SGCD: variants seen among roughly 807,000 people sequenced by gnomAD.
The protein encoded by SGCD is sarcoglycan delta.
A neutral mutation model predicts 36.6 loss-of-function variants in SGCD; 18 were observed. The observed-to-expected ratio is 0.49, with a 90% CI of 0.34 to 0.73. SGCD has a LOEUF of 0.73. SGCD is among the 30% of genes least tolerant of loss of function. SGCD has a pLI of 0.01. For synonymous variants in SGCD, 133 were observed against 130.6 expected, an observed-to-expected ratio of 1.02 and a Z score of -0.12; for missense variants, 387 against 346.7, an observed-to-expected ratio of 1.12 and a Z score of -0.92.
Position 156,546,305 on chromosome 5 carries a change from T to G in SGCD, c.294+37603T>G, listed in dbSNP as rs576296665. 2.0e-5 allele frequency among the ~76,000 whole-genome samples: 3 copies of G among 152,314 alleles called. No individual in the cohort carries two copies. The South Asian group carries it at 6.2e-4, about 32-fold the overall frequency. Reference sequence around the variant, plus strand: ...TGTTGGATGTTATATCTACAAATGTTGGGGGTCACTTTCTTTCTTCTACTC... The same window carrying G: ...TGTTGGATGTTATATCTACAAATGTGGGGGGTCACTTTCTTTCTTCTACTC... On this transcript the variant is annotated intron_variant, in intron 4 of 8. Coordinates refer to ENST00000337851, the MANE Select transcript of SGCD (RefSeq NM_000337.6).
chr5:156,486,325 T>TGAGACAAAG (rs1755657248), intron 3 of SGCD, among the ~76,000 whole-genome samples: 1 of 152,042 alleles, frequency 6.6e-6, no homozygotes, highest in Admixed American at 6.5e-5. Context: ...AGGCTGCCCC[T>TGAGACAAAG]GAGACAAAGG....
At chr5:156,526,364 G>A (rs1050387177) in intron 4 of SGCD, among the ~76,000 whole-genome samples, 3 of 152,154 alleles carry the variant, frequency 2.0e-5, no homozygotes, top group Non-Finnish European at 4.4e-5. Flanking sequence ...TCTCTGGTTA[G>A]TTTAGAAACA....
chr5:156,514,870 A>G (rs1410166730), intron 4 of SGCD, among the ~76,000 whole-genome samples: 5 of 152,206 alleles, frequency 3.3e-5, no homozygotes, highest in African/African-American at 9.7e-5. Context: ...TAAGTAAGAT[A>G]ATGTTTTTTA....
chr5:155,988,360 A>AT (rs1037403230), intron 1 of SGCD, among the ~76,000 whole-genome samples: 1 of 152,086 alleles, frequency 6.6e-6, no homozygotes, highest in Non-Finnish European at 1.5e-5. Context: ...GACCCCATAG[A>AT]TATCTTTCTG....
At chr5:155,800,141 G>T in the SGCD span, among the ~76,000 whole-genome samples, 1 of 151,742 alleles carries the variant, frequency 6.6e-6, no homozygotes, top group Non-Finnish European at 1.5e-5. Flanking sequence ...TGTTTTTCTG[G>T]GATAGTTTAA....
chr5:156,549,098 G>GA (rs372757735), intron 4 of SGCD, among the ~76,000 whole-genome samples: 26 of 144,474 alleles, frequency 1.8e-4, no homozygotes, highest in African/African-American at 5.3e-4. Flanking sequence ...GTCTAAAAAT[G>GA]AAAAAAAAAT....
At chr5:155,858,273 C>T in the SGCD span, among the ~76,000 whole-genome samples, 1 of 151,906 alleles carries the variant, frequency 6.6e-6, no homozygotes, top group African/African-American at 2.4e-5. Flanking sequence ...TTTTGATATC[C>T]ATCTCTACAA....
the SGCD span, among the ~76,000 whole-genome samples, chr5:155,739,529 T>G: frequency 2.1e-4 from 32 of 152,348 alleles, no homozygotes; most frequent in East Asian, 5.8e-3. Flanking sequence ...TGTAGAAGGC[T>G]TAAAGAAAGC....
chr5:156,340,917 T>C (rs551129352), intron 2 of SGCD, among the ~76,000 whole-genome samples: 29 of 152,338 alleles, frequency 1.9e-4, no homozygotes, highest in African/African-American at 7.0e-4. Context: ...GCAGGATTCT[T>C]TATAACAGAT....
chr5:156,509,670 G>T (rs555839829), intron 4 of SGCD, among the ~76,000 whole-genome samples: 1 of 152,262 alleles, frequency 6.6e-6, no homozygotes, highest in East Asian at 1.9e-4. Flanking sequence ...AAGATTTCAA[G>T]CCTTCTCTGT....
Position 155,891,558 on chromosome 5 carries a change from CTTT to C in SGCD, c.-282+21151_-282+21153del, listed in dbSNP as rs372399423. 7.9e-4 allele frequency among the ~76,000 whole-genome samples: 48 copies of C among 60,774 alleles called. 3 individuals carry two copies. Among genetic ancestry groups the C allele is most frequent in the Middle Eastern group, 0.026 (2 of 76 alleles). The allele number at this position is 60,774 out of a possible 152,430, so 39.9% of individuals were successfully genotyped here. On this transcript the variant is annotated intron_variant, in intron 1 of 9. Coordinates refer to the SGCD transcript ENST00000517913. The stretch of plus-strand genomic sequence containing the variant: ...CAAATTCCAGAGAAAAATAAATACT[CTTT>C]TTTTTTTTTTTTTTTTGGTGACATT...
intron 1 of SGCD, among the ~76,000 whole-genome samples, chr5:156,044,490 T>G (rs1192373666): frequency 1.3e-5 from 2 of 152,186 alleles, no homozygotes; most frequent in Non-Finnish European, 2.9e-5. Flanking sequence ...ATGAATGGAA[T>G]CTTGCCAATA....
In SGCD at chr5:155,910,136, A is replaced by G. The variant is rs189227138; in HGVS notation, c.-282+39712A>G. 1.9e-3 allele frequency among the ~76,000 whole-genome samples: 286 copies of G among 152,094 alleles called. 3 individuals carry two copies. Among genetic ancestry groups the G allele is most frequent in the African/African-American group, 6.6e-3 (274 of 41,516 alleles). On this transcript the variant is annotated intron_variant, in intron 1 of 9. Coordinates refer to the SGCD transcript ENST00000517913. ...GGTGCATAGTTGGGTGAGGATGGGA[A>G]ATGTGTGTAGGTGGCCTAGATCTGC...
chr5:155,836,976 G>A, the SGCD span, among the ~76,000 whole-genome samples: 1 of 152,100 alleles, frequency 6.6e-6, no homozygotes, highest in Non-Finnish European at 1.5e-5. Flanking sequence ...AATCATCCAT[G>A]TCCACAAATG....
At chr5:156,616,407 T>C (rs1370852743) in intron 6 of SGCD, among the ~76,000 whole-genome samples, 1 of 152,180 alleles carries the variant, frequency 6.6e-6, no homozygotes, top group Non-Finnish European at 1.5e-5. Flanking sequence ...TGGGGTGTTG[T>C]TATCAGGAGA....
chr5:155,998,283 A>G (rs1261984028), intron 1 of SGCD, among the ~76,000 whole-genome samples: 1 of 152,214 alleles, frequency 6.6e-6, no homozygotes, highest in African/African-American at 2.4e-5. Flanking sequence ...CTCATCAGCT[A>G]TGTGATCTGG....
chr5:156,089,363 C>A (rs963569026), intron 1 of SGCD, among the ~76,000 whole-genome samples: 2 of 152,202 alleles, frequency 1.3e-5, no homozygotes, highest in African/African-American at 2.4e-5. Flanking sequence ...TTTTCCCCAT[C>A]GATTGCAGTC....
intron 3 of SGCD, among the ~76,000 whole-genome samples, chr5:156,269,347 G>A (rs1218523998): frequency 6.6e-6 from 1 of 151,724 alleles, no homozygotes; most frequent in Non-Finnish European, 1.5e-5. Context: ...GCGGGTGCCT[G>A]TTGTCTCAGC....
chr5:156,696,360 C>G (rs1561862439), intron 7 of SGCD, among the ~76,000 whole-genome samples: 1 of 152,190 alleles, frequency 6.6e-6, no homozygotes. Context: ...TGTTCTTCCT[C>G]TTATTCTTCT....
Sources: gnomAD v4.1 joint callset for allele counts (sites outside exome capture counted in the v4.1 genomes callset) on GRCh38, gnomAD v4.1.1 for gene constraint, MANE v1.5 for transcripts, NCBI Gene and HGNC (gene_info 2026-07-23, HGNC 2026-07-21) for gene names.